FAAH2: variants seen among roughly 807,000 people sequenced by gnomAD.
The protein encoded by FAAH2 is fatty-acid amide hydrolase 2.
A neutral mutation model predicts 36.9 loss-of-function variants in FAAH2; 60 were observed. The observed-to-expected ratio is 1.63, with a 90% CI of 1.32 to 2.02. The LOEUF is 2.02. Among genes scored for constraint, FAAH2 ranks in the 30% most tolerant of loss-of-function variants. FAAH2 has a pLI of 0.00. For missense variants in FAAH2, 689 were observed against 397.5 expected, an observed-to-expected ratio of 1.73 and a Z score of -6.23; for synonymous variants, 214 against 143.8, an observed-to-expected ratio of 1.49 and a Z score of -3.49.
At chrX:57,208,764 AAACAAAGGGATGGGCCAT>A in the FAAH2 span, among the ~76,000 whole-genome samples, 1 of 111,995 alleles carries the variant, frequency 8.9e-6, no homozygotes, top group Non-Finnish European at 1.9e-5. Context: ...TCCTTATGGG[AAACAAAGGGATGGGCCAT>A]AACAAAGGGA....
intron 10 of FAAH2, among the ~76,000 whole-genome samples, chrX:57,455,356 G>A (rs1193895688): frequency 9.0e-6 from 1 of 110,829 alleles, no homozygotes. Context: ...ATCCACTCAA[G>A]CACATGGCCC....
chrX:57,150,191 A>G, the FAAH2 span, among the ~76,000 whole-genome samples: 14 of 111,970 alleles, frequency 1.3e-4, no homozygotes, highest in Middle Eastern at 4.7e-3. Flanking sequence ...TATGTGGTCA[A>G]TTTTGGAACA....
intron 6 of FAAH2, among the ~76,000 whole-genome samples, chrX:57,379,033 T>A (rs1261707150): frequency 8.9e-6 from 1 of 111,811 alleles, no homozygotes; most frequent in Non-Finnish European, 1.9e-5. Context: ...ACAGTGAATC[T>A]TTTTGTTTTT....
intron 4 of FAAH2, among the ~76,000 whole-genome samples, chrX:57,334,000 CA>C (rs1199648734): frequency 5.4e-5 from 6 of 111,144 alleles, no homozygotes; most frequent in Non-Finnish European, 3.8e-5. Context: ...AGAAGCCATG[CA>C]AACAATAAGA....
chrX:57,331,185 CT>C (rs1228671300), intron 3 of FAAH2, among the ~76,000 whole-genome samples: 1 of 111,910 alleles, frequency 8.9e-6, no homozygotes, highest in African/African-American at 3.2e-5. Context: ...AGTTCTGCCC[CT>C]ACCACTTCTC....
intron 10 of FAAH2, among the ~76,000 whole-genome samples, chrX:57,477,353 A>G (rs1283028267): frequency 9.0e-6 from 1 of 111,322 alleles, no homozygotes; most frequent in Non-Finnish European, 1.9e-5. Context: ...ATTAAGCTGT[A>G]ATGGGTACAG....
At chrX:57,270,584 G>A in the FAAH2 span, among the ~76,000 whole-genome samples, 8,707 of 111,447 alleles carry the variant, frequency 0.078, 859 homozygotes, top group African/African-American at 0.27. Context: ...AGTTCCCAGC[G>A]AGATCGATGC....
intron 3 of FAAH2, among the ~76,000 whole-genome samples, chrX:57,330,942 T>C (rs2146999557): frequency 9.1e-6 from 1 of 110,482 alleles, no homozygotes; most frequent in African/African-American, 3.3e-5. Context: ...GGGGCTGCAC[T>C]GCAAGCAGGC....
At chrX:57,150,771 A>T in the FAAH2 span, among the ~76,000 whole-genome samples, 1 of 111,932 alleles carries the variant, frequency 8.9e-6, no homozygotes, top group Non-Finnish European at 1.9e-5. Context: ...TTTAAAGTTA[A>T]TATAGTTATT....
intron 2 of FAAH2, among the ~76,000 whole-genome samples, chrX:57,299,276 C>T (rs1167250648): frequency 8.9e-6 from 1 of 112,146 alleles, no homozygotes; most frequent in East Asian, 2.8e-4. Flanking sequence ...TGGGGTTCAT[C>T]CCTGGGATGC....
At chrX:57,323,886 T>A (rs2053121950) in intron 3 of FAAH2, among the ~76,000 whole-genome samples, 1 of 111,310 alleles carries the variant, frequency 9.0e-6, no homozygotes, top group African/African-American at 3.3e-5. Context: ...TGCCATTGCT[T>A]TTCATGTTTT....
the FAAH2 span, among the ~76,000 whole-genome samples, chrX:57,257,952 A>G: frequency 8.9e-6 from 1 of 112,204 alleles, no homozygotes; most frequent in African/African-American, 3.2e-5. Context: ...CATCATTCTT[A>G]CAGAAATAGA....
the FAAH2 span, among the ~76,000 whole-genome samples, chrX:57,129,804 C>A: frequency 5.4e-5 from 6 of 111,702 alleles, no homozygotes; most frequent in African/African-American, 2.0e-4. Context: ...ACACAAGACA[C>A]CGAGGATCAA....
chrX:57,220,870 A>C, the FAAH2 span, among the ~76,000 whole-genome samples: 2 of 111,561 alleles, frequency 1.8e-5, no homozygotes, highest in African/African-American at 6.5e-5. Flanking sequence ...AGCTAGCCAA[A>C]ACCTCCTACT....
chrX:57,168,415 C>A, the FAAH2 span, among the ~76,000 whole-genome samples: 1 of 110,818 alleles, frequency 9.0e-6, no homozygotes, highest in Admixed American at 9.6e-5. Flanking sequence ...CACACACAAA[C>A]ACACATTTCT....
intron 10 of FAAH2, among the ~76,000 whole-genome samples, chrX:57,478,815 T>C (rs186265611): frequency 8.9e-6 from 1 of 111,737 alleles, no homozygotes; most frequent in African/African-American, 3.2e-5. Context: ...TGGCATTATT[T>C]CTGAGGACTC....
the FAAH2 span, among the ~76,000 whole-genome samples, chrX:57,273,553 C>A: frequency 8.9e-6 from 1 of 111,800 alleles, no homozygotes; most frequent in African/African-American, 3.2e-5. Flanking sequence ...GAAATCATAA[C>A]AAACTGTATC....
the FAAH2 span, among the ~76,000 whole-genome samples, chrX:57,273,697 C>T: frequency 4.5e-5 from 5 of 111,376 alleles, no homozygotes; most frequent in African/African-American, 9.8e-5. Context: ...GGAATAAAGA[C>T]GTTCTTTGAA....
chrX:57,464,663 A>G (rs958346896), intron 10 of FAAH2, among the ~76,000 whole-genome samples: 35 of 110,598 alleles, frequency 3.2e-4, no homozygotes, highest in African/African-American at 1.1e-3. Context: ...ACAAAGGCCT[A>G]CTATCCAGAA....
Sources: gnomAD v4.1 joint callset for allele counts (sites outside exome capture counted in the v4.1 genomes callset) on GRCh38, gnomAD v4.1.1 for gene constraint, MANE v1.5 for transcripts, NCBI Gene and HGNC (gene_info 2026-07-23, HGNC 2026-07-21) for gene names.